Variants in TFAP2E observed in about 807,000 individuals in gnomAD.
TFAP2E encodes transcription factor AP-2 epsilon.
In TFAP2E, 30 loss-of-function variants were observed where a neutral mutation model predicts 37.9. That is an observed-to-expected ratio of 0.79 (90% CI 0.59 to 1.07). The LOEUF (loss-of-function observed/expected upper bound fraction) is 1.07. TFAP2E is among the 50% of genes least tolerant of loss of function. The pLI is 0.00. For synonymous variants in TFAP2E, 318 were observed against 295.8 expected (o/e 1.08, Z -0.77); for missense variants, 567 against 637.9 (o/e 0.89, Z 1.20).
At chr1:35,581,925 G>A (rs1649362946) in intron 3 of TFAP2E, among the ~76,000 whole-genome samples, 4 of 151,018 alleles carry the variant, frequency 2.6e-5, no homozygotes, top group African/African-American at 9.8e-5. Context: ...ACCCAGGCTG[G>A]AGTGCAGTGG....
chr1:35,579,671 A>G (rs1430016493), intron 3 of TFAP2E, among the ~76,000 whole-genome samples: 1 of 152,024 alleles, frequency 6.6e-6, no homozygotes, highest in African/African-American at 2.4e-5. Context: ...CTGGGATTAC[A>G]GGCGTGAGCC....
At position 35,594,559 on chromosome 1, in the gene TFAP2E, C is replaced by T. The variant is rs1649775556; in HGVS notation, c.1212C>T (p.Ala404=). Residue 404 remains alanine (A), a synonymous_variant, in exon 7 of 7, where the codon GCC becomes GCT. Transcript: ENST00000373235. ...GGPAICAALT[A]FQNYLLESLK... ...CTGCCATCTGTGCTGCCCTCACTGCCTTCCAGAACTATTTGCTGGAGTCAC... is the reference window on the plus strand; with the variant it reads ...CTGCCATCTGTGCTGCCCTCACTGCTTTCCAGAACTATTTGCTGGAGTCAC... 2 of 1,614,118 alleles carry T rather than the reference C, an allele frequency of 1.2e-6. No homozygotes were observed. Among genetic ancestry groups the T allele is most frequent in the African/African-American group, 1.3e-5 (1 of 74,942 alleles).
rs1002031381 is a variant in TFAP2E at position 35,590,396 on chromosome 1, G to A, written c.905-238G>A. Among the ~76,000 whole-genome samples the A allele has an allele frequency of 1.3e-5, 2 of 152,070 alleles. No homozygotes were observed. Among genetic ancestry groups the A allele is most frequent in the African/African-American group, 4.8e-5 (2 of 41,388 alleles). The stretch of plus-strand genomic sequence containing the variant: ...TGACAGCCCCCTCCCCTGGAGGTTG[G>A]TGCCTCTGGAATACATGGTGGGCCC... On this transcript the variant is annotated intron_variant, in intron 5 of 6. Transcript: ENST00000373235. This position sits in a 1 kb window ranked among gnomAD's most constrained non-coding sequence, Gnocchi z 6.2.
intron 6 of TFAP2E, among the ~76,000 whole-genome samples, chr1:35,593,251 A>C (rs1405730131): frequency 6.6e-6 from 1 of 151,974 alleles, no homozygotes; most frequent in Non-Finnish European, 1.5e-5. Context: ...TGAGGTTGAG[A>C]CTGCAGTGAG....
At position 35,573,647 on chromosome 1, in the gene TFAP2E, G is replaced by T. The variant is rs576080104; in HGVS notation, c.27+43G>T. 6.5e-7 allele frequency: 1 copy of T among 1,536,022 alleles called. No individual in the cohort carries two copies. Among genetic ancestry groups the T allele is most frequent in the Non-Finnish European group, 8.8e-7 (1 of 1,141,492 alleles). ...CGGGACATATTCGGCCGGGGGATCG[G>T]GGCGCCTGAGTGCTGGACTTTCCAA... is the stretch of plus-strand genomic sequence containing the variant. On this transcript the variant is annotated intron_variant, in intron 1 of 6. Coordinates refer to ENST00000373235, the MANE Select transcript of TFAP2E (RefSeq NM_178548.4). The surrounding 1 kb of genome is among the most constrained non-coding windows in gnomAD (Gnocchi z 5.9).
At chr1:35,584,943 T>C (rs1294020128) in intron 3 of TFAP2E, among the ~76,000 whole-genome samples, 5 of 152,174 alleles carry the variant, frequency 3.3e-5, no homozygotes, top group Admixed American at 6.5e-5. Flanking sequence ...GCTTATTTCA[T>C]ATTCACTCAT....
intron 3 of TFAP2E, among the ~76,000 whole-genome samples, chr1:35,587,425 G>C (rs1183157928): frequency 6.6e-6 from 1 of 152,026 alleles, no homozygotes; most frequent in African/African-American, 2.4e-5. Flanking sequence ...GGATCATGAG[G>C]TCAGGAGTTT....
At position 35,573,577 on chromosome 1, in the gene TFAP2E, C is replaced by T; in HGVS notation, c.-1C>T. On this transcript the variant is annotated 5_prime_UTR_variant, in exon 1 of 7. Transcript: ENST00000373235. This position sits in a 1 kb window ranked among gnomAD's most constrained non-coding sequence, Gnocchi z 5.9. ...GCCTCGCGCCCGGCACTCACCGCCC[C>T]ATGCTGGTGCACACCTACTCCGCCA... 1 of 1,533,044 alleles carries T rather than the reference C, an allele frequency of 6.5e-7. No individual in the cohort carries two copies. The highest frequency in any genetic ancestry group is 8.8e-7 in the Non-Finnish European group (1 of 1,140,514). The allele number at this position is 1,533,044 out of a possible 1,614,324, so 95.0% of individuals were successfully genotyped here.
chr1:35,581,887 T>C (rs1649362062), intron 3 of TFAP2E, among the ~76,000 whole-genome samples: 1 of 149,068 alleles, frequency 6.7e-6, no homozygotes, highest in Non-Finnish European at 1.5e-5. Flanking sequence ...TATTTATTTA[T>C]TGTTTTGAGA....
chr1:35,573,540 C>T lies in TFAP2E; in HGVS notation c.-38C>T, dbSNP rs1322988099. On this transcript the variant is annotated 5_prime_UTR_variant, in exon 1 of 7. Transcript: ENST00000373235. This position sits in a 1 kb window ranked among gnomAD's most constrained non-coding sequence, Gnocchi z 5.9. ...AGCGCTCGCCGTCGGGCTAGGGCTC[C>T]GCCGCCGCCACGCCTCGCGCCCGGC... is the stretch of plus-strand genomic sequence containing the variant. 3 of 1,511,402 alleles carry T rather than the reference C, an allele frequency of 2.0e-6. No individual in the cohort carries two copies. Among genetic ancestry groups the T allele is most frequent in the African/African-American group, 1.4e-5 (1 of 69,052 alleles). 93.6% of individuals were successfully genotyped at this position (1,511,402 alleles called of 1,614,324 possible). A position where few individuals can be genotyped will look rare whatever the true frequency, so the allele number is the denominator to read the frequency against.
chr1:35,587,512 C>A (rs1434928263), intron 3 of TFAP2E, among the ~76,000 whole-genome samples: 1 of 151,550 alleles, frequency 6.6e-6, no homozygotes, highest in Admixed American at 6.6e-5. Context: ...GTGGTGGGCA[C>A]CTGTAGTCCC....
At position 35,588,522 on chromosome 1, in the gene TFAP2E, A is replaced by G; in HGVS notation, c.755A>G (p.Asn252Ser). 1 of 1,600,514 alleles carries G rather than the reference A, an allele frequency of 6.2e-7. No homozygotes were observed. Among genetic ancestry groups the G allele is most frequent in the Non-Finnish European group, 8.5e-7 (1 of 1,173,272 alleles). The change falls in exon 4 of 7, where the codon AAC becomes AGC. Residue 252 changes from asparagine to serine, a missense_variant. By Grantham distance (46) the Asn-to-Ser change is conservative (BLOSUM62 1). Transcript: ENST00000373235. This position sits in a 1 kb window ranked among gnomAD's most constrained non-coding sequence, Gnocchi z 5.1. ...QRRLSPPECL[N>S]ASLLGGVLRR... ...CGACTCTCGCCTCCCGAGTGCCTCAACGCCTCCCTCCTGGGGGGTGTCCTC... is the reference window on the plus strand; with the variant it reads ...CGACTCTCGCCTCCCGAGTGCCTCAGCGCCTCCCTCCTGGGGGGTGTCCTC...
At position 35,588,412 on chromosome 1, in the gene TFAP2E, T is replaced by G. The variant is rs780367594; in HGVS notation, c.645T>G (p.Gly215=). The G allele has an allele frequency of 5.6e-6, 9 of 1,612,902 alleles. No individual in the cohort carries two copies. Among genetic ancestry groups the G allele is most frequent in the Non-Finnish European group, 7.6e-6 (9 of 1,179,988 alleles). ...DSLVGGITNP[G]EVFCSVPGRL... ...TGGTGGGCGGCATCACAAATCCTGG[T>G]GAGGTCTTCTGCTCCGTGCCCGGCC... Residue 215 remains glycine (G), a synonymous_variant, in exon 4 of 7, where the codon GGT becomes GGG. Coordinates refer to ENST00000373235, the MANE Select transcript of TFAP2E (RefSeq NM_178548.4). This position sits in a 1 kb window ranked among gnomAD's most constrained non-coding sequence, Gnocchi z 5.1.
Position 35,588,825 on chromosome 1 carries a change from G to A in TFAP2E, c.785+273G>A, listed in dbSNP as rs377754674. 1.2e-4 allele frequency among the ~76,000 whole-genome samples: 19 copies of A among 152,254 alleles called. No homozygotes were observed. Among genetic ancestry groups the A allele is most frequent in the African/African-American group, 4.6e-4 (19 of 41,556 alleles). Reference sequence around the variant, plus strand: ...TGGAGAACTCATCCACACTGGTCAGGACGAGACTGGGTCTGGGGAAGAGAG... The same window carrying A: ...TGGAGAACTCATCCACACTGGTCAGAACGAGACTGGGTCTGGGGAAGAGAG... On this transcript the variant is annotated intron_variant, in intron 4 of 6. Transcript: ENST00000373235. This position sits in a 1 kb window ranked among gnomAD's most constrained non-coding sequence, Gnocchi z 5.1.
At chr1:35,584,678 C>T (rs1649436715) in intron 3 of TFAP2E, among the ~76,000 whole-genome samples, 1 of 152,058 alleles carries the variant, frequency 6.6e-6, no homozygotes, top group African/African-American at 2.4e-5. Flanking sequence ...GCTGGGACTG[C>T]AGGCATGTGC....
At chr1:35,584,428 A>G (rs897288414) in intron 3 of TFAP2E, among the ~76,000 whole-genome samples, 3 of 152,086 alleles carry the variant, frequency 2.0e-5, no homozygotes, top group African/African-American at 7.2e-5. Flanking sequence ...TTTTAATAGC[A>G]GTTGGATGGA....
chr1:35,587,924 C>A (rs955819162), intron 3 of TFAP2E, among the ~76,000 whole-genome samples: 1 of 152,080 alleles, frequency 6.6e-6, no homozygotes, highest in African/African-American at 2.4e-5. Context: ...AGAGGAAAAA[C>A]GTGGGAATCA....
intron 3 of TFAP2E, among the ~76,000 whole-genome samples, chr1:35,575,913 G>A (rs192623798): frequency 3.9e-4 from 60 of 152,314 alleles, no homozygotes; most frequent in Non-Finnish European, 6.6e-4. Context: ...CCAAGTACTG[G>A]CCATGACAGG....
intron 6 of TFAP2E, among the ~76,000 whole-genome samples, chr1:35,593,479 C>T (rs1649744487): frequency 1.3e-5 from 2 of 152,164 alleles, no homozygotes; most frequent in Admixed American, 1.3e-4. Flanking sequence ...ACATCCAGTC[C>T]TCCCACCTAA....
Sources: allele counts gnomAD v4.1 joint callset (sites outside exome capture counted in the v4.1 genomes callset), GRCh38; gene constraint gnomAD v4.1.1; non-coding constraint Gnocchi (gnomAD v3.1); transcripts MANE v1.5; gene names NCBI Gene and HGNC (gene_info 2026-07-23, HGNC 2026-07-21).